Variants in TSHZ2 observed in about 807,000 individuals in gnomAD.
The protein encoded by TSHZ2 is teashirt homolog 2.
In TSHZ2, 21 loss-of-function variants were observed where a neutral mutation model predicts 74.4. The observed-to-expected ratio is 0.28, with a 90% CI of 0.20 to 0.41. The LOEUF (loss-of-function observed/expected upper bound fraction) is 0.41. Among genes scored for constraint, TSHZ2 ranks in the 10% least tolerant of loss-of-function variants. The pLI is 1.00. For missense variants in TSHZ2, 1,244 were observed against 1,293.5 expected (o/e 0.96, Z 0.59); for synonymous variants, 540 against 515.3 (o/e 1.05, Z -0.65).
At chr20:53,022,099 A>G (rs765720295) in intron 1 of TSHZ2, among the ~76,000 whole-genome samples, 1 of 152,198 alleles carries the variant, frequency 6.6e-6, no homozygotes, top group Non-Finnish European at 1.5e-5. Context: ...ACTCTAAGTG[A>G]CTGCAAAATG....
At chr20:53,045,757 C>A (rs542136731) in intron 1 of TSHZ2, among the ~76,000 whole-genome samples, 1 of 152,118 alleles carries the variant, frequency 6.6e-6, no homozygotes. Context: ...GTAGTAATCC[C>A]GGAGGGATGT....
At chr20:53,081,870 C>T (rs997693638) in intron 1 of TSHZ2, among the ~76,000 whole-genome samples, 5 of 150,512 alleles carry the variant, frequency 3.3e-5, no homozygotes, top group South Asian at 2.1e-4. Context: ...ACTGACTGTA[C>T]GTAAGTATGA....
intron 1 of TSHZ2, among the ~76,000 whole-genome samples, chr20:53,090,192 A>G (rs1985836107): frequency 6.6e-6 from 1 of 151,762 alleles, no homozygotes; most frequent in South Asian, 2.1e-4. Context: ...TGCTCTTTCC[A>G]TCTTCTCCTG....
intron 2 of TSHZ2, among the ~76,000 whole-genome samples, chr20:53,334,441 TG>T (rs951977307): frequency 4.7e-4 from 71 of 151,686 alleles, no homozygotes; most frequent in Non-Finnish European, 1.5e-4. Context: ...GGAGCATGCC[TG>T]GTATGTTCTA....
At chr20:53,301,206 C>A (rs548771119) in intron 2 of TSHZ2, among the ~76,000 whole-genome samples, 52 of 152,316 alleles carry the variant, frequency 3.4e-4, no homozygotes, top group African/African-American at 1.2e-3. Flanking sequence ...GATCCTCCCA[C>A]CTCAGCCTCC....
chr20:53,317,143 G>C (rs1979058729), intron 2 of TSHZ2, among the ~76,000 whole-genome samples: 1 of 152,150 alleles, frequency 6.6e-6, no homozygotes, highest in Admixed American at 6.5e-5. Context: ...ACAATGTCTA[G>C]TTTTCCAGTC....
At chr20:53,243,581 A>G (rs757205588) in intron 1 of TSHZ2, among the ~76,000 whole-genome samples, 2 of 152,188 alleles carry the variant, frequency 1.3e-5, no homozygotes, top group Non-Finnish European at 2.9e-5. Context: ...TGGAGAGTCC[A>G]ACATGAAGAA....
chr20:53,475,634 T>G (rs79285073), intron 2 of TSHZ2, among the ~76,000 whole-genome samples: 2 of 129,822 alleles, frequency 1.5e-5, no homozygotes, highest in South Asian at 2.6e-4. Flanking sequence ...CAAAAGCTAG[T>G]AGAAGGCAAG....
intron 1 of TSHZ2, among the ~76,000 whole-genome samples, chr20:53,181,695 T>C (rs1988473142): frequency 6.6e-6 from 1 of 152,072 alleles, no homozygotes; most frequent in Admixed American, 6.6e-5. Context: ...GAGACCATCC[T>C]GGCTAACACA....
intron 1 of TSHZ2, among the ~76,000 whole-genome samples, chr20:53,155,389 G>A (rs890184591): frequency 1.4e-4 from 21 of 151,954 alleles, no homozygotes; most frequent in Non-Finnish European, 2.5e-4. Context: ...AGGACTCATG[G>A]TAACCTGGTC....
At chr20:53,337,210 C>T (rs1326371072) in intron 2 of TSHZ2, among the ~76,000 whole-genome samples, 1 of 152,162 alleles carries the variant, frequency 6.6e-6, no homozygotes, top group African/African-American at 2.4e-5. Context: ...TTGAATTCTC[C>T]CTGCATGCAT....
At chr20:53,079,538 A>T (rs572367633) in intron 1 of TSHZ2, among the ~76,000 whole-genome samples, 1 of 152,220 alleles carries the variant, frequency 6.6e-6, no homozygotes, top group Non-Finnish European at 1.5e-5. Flanking sequence ...AAAGGAAAAA[A>T]TCAGGAATGC....
At chr20:53,418,996 GTCTT>G (rs1440632451) in intron 2 of TSHZ2, among the ~76,000 whole-genome samples, 2 of 152,182 alleles carry the variant, frequency 1.3e-5, no homozygotes, top group African/African-American at 4.8e-5. Flanking sequence ...GCTCCTGTCT[GTCTT>G]TCAAAGTTCA....
intron 1 of TSHZ2, among the ~76,000 whole-genome samples, chr20:53,196,848 A>G (rs1287720752): frequency 1.3e-5 from 2 of 152,234 alleles, no homozygotes; most frequent in African/African-American, 2.4e-5. Context: ...ATGGTGGCAA[A>G]TTTAAATAAA....
At chr20:53,252,612 G>T (rs1295533431) in intron 1 of TSHZ2, among the ~76,000 whole-genome samples, 1 of 152,176 alleles carries the variant, frequency 6.6e-6, no homozygotes, top group African/African-American at 2.4e-5. Flanking sequence ...AATCCTTTCA[G>T]AGAAGGGAAA....
chr20:53,233,687 A>T (rs1048071413), intron 1 of TSHZ2, among the ~76,000 whole-genome samples: 2 of 152,188 alleles, frequency 1.3e-5, no homozygotes, highest in Non-Finnish European at 2.9e-5. Flanking sequence ...TGCTTGTTCA[A>T]ATGGGCAGAC....
intron 2 of TSHZ2, among the ~76,000 whole-genome samples, chr20:53,346,204 A>G (rs1980431772): frequency 6.6e-6 from 1 of 152,186 alleles, no homozygotes; most frequent in African/African-American, 2.4e-5. Context: ...GAGCGCTGCG[A>G]TGATTTTGAC....
At position 53,130,704 on chromosome 20, in the gene TSHZ2, G is replaced by A. The variant is rs577332923; in HGVS notation, c.41-122795G>A. ...AGAGGAATGTGTATGTTGAAGGGCA[G>A]TGTGGTTAGGAGAGAAGATCTCAGT... is the stretch of plus-strand genomic sequence containing the variant. On this transcript the variant is annotated intron_variant, in intron 1 of 2. Coordinates refer to ENST00000371497, the MANE Select transcript of TSHZ2 (RefSeq NM_173485.6). Among the ~76,000 whole-genome samples the A allele has an allele frequency of 5.3e-5, 8 of 152,342 alleles. No individual in the cohort carries two copies. In the South Asian group the frequency reaches 1.5e-3, roughly 28 times the overall value.
chr20:53,044,537 G>A (rs1468767899), intron 1 of TSHZ2, among the ~76,000 whole-genome samples: 1 of 152,156 alleles, frequency 6.6e-6, no homozygotes, highest in Non-Finnish European at 1.5e-5. Context: ...CGTGTCAGTG[G>A]CTCCAGGACA....
Sources: gnomAD v4.1 joint callset for allele counts (sites outside exome capture counted in the v4.1 genomes callset) on GRCh38, gnomAD v4.1.1 for gene constraint, MANE v1.5 for transcripts, NCBI Gene and HGNC (gene_info 2026-07-23, HGNC 2026-07-21) for gene names.